MATN3: variants seen among roughly 807,000 people sequenced by gnomAD.
The protein encoded by MATN3 is matrilin 3.
A neutral mutation model predicts 45.3 loss-of-function variants in MATN3; 48 were observed. The observed-to-expected ratio is 1.06, with a 90% CI of 0.84 to 1.35. MATN3 has a LOEUF of 1.35. Among genes scored for constraint, MATN3 ranks in the 40% most tolerant of loss-of-function variants. The probability of loss-of-function intolerance (pLI) is 0.00; values close to 1 mark genes in which losing one functional copy is unlikely to be tolerated. For synonymous variants in MATN3, 217 were observed against 245.9 expected (o/e 0.88, Z 1.10); for missense variants, 599 against 628.0 (o/e 0.95, Z 0.49).
chr2:20,009,748 C>G (rs910139580), intron 1 of MATN3, among the ~76,000 whole-genome samples: 5 of 152,254 alleles, frequency 3.3e-5, no homozygotes, highest in Admixed American at 6.5e-5. Context: ...TCTTTACAGT[C>G]TTTTATCTTA....
chr2:19,996,597 C>G (rs1254886382), intron 6 of MATN3, among the ~76,000 whole-genome samples: 2 of 152,168 alleles, frequency 1.3e-5, no homozygotes, highest in African/African-American at 2.4e-5. Context: ...AAAGAGCCCA[C>G]TGTGGCTGGA....
rs1672819074 is a variant in MATN3 at position 19,994,322 on chromosome 2, T to C, written c.1382A>G (p.Tyr461Cys). ...TLAFQDKVSS[Y>C]LQRLNTKLDD... ...ATGTTTAGTGTTCAGTCTTTGAAGA[T>C]ACGAGCTGACCTTGTCCTGGAATGC... The change falls in exon 7 of 8, where the codon TAT (tyrosine) becomes TGT (cysteine). Residue 461 changes from tyrosine (Y) to cysteine (C), a missense_variant. Coordinates refer to ENST00000407540, the MANE Select transcript of MATN3 (RefSeq NM_002381.5). 1 of 1,613,046 alleles carries C rather than the reference T, an allele frequency of 6.2e-7. No homozygotes were observed. The highest frequency in any genetic ancestry group is 8.5e-7 in the Non-Finnish European group (1 of 1,179,310).
chr2:20,000,542 G>A lies in MATN3; in HGVS notation c.1067C>T (p.Thr356Ile). The A allele has an allele frequency of 6.2e-7, 1 of 1,610,136 alleles. No individual in the cohort carries two copies. Among genetic ancestry groups the A allele is most frequent in the South Asian group, 1.1e-5 (1 of 89,948 alleles). Residue 356 changes from threonine to isoleucine, a missense_variant, in exon 5 of 8, where the codon ACC (threonine) becomes ATC (isoleucine). By Grantham distance (89) the Thr-to-Ile change is moderately conservative (BLOSUM62 -1). Coordinates refer to ENST00000407540, the MANE Select transcript of MATN3 (RefSeq NM_002381.5). ...CSAQDKCALGTHGCQHICVND... is the reference protein window; with the variant it reads ...CSAQDKCALGIHGCQHICVND... ...CACACAAATGTGCTGACACCCATGGGTACCCAAAGCACATTTATCTTGAGC... is the reference window on the plus strand; with the variant it reads ...CACACAAATGTGCTGACACCCATGGATACCCAAAGCACATTTATCTTGAGC...
At chr2:20,002,441 G>A (rs1340967666) in intron 3 of MATN3, among the ~76,000 whole-genome samples, 1 of 152,056 alleles carries the variant, frequency 6.6e-6, no homozygotes, top group Non-Finnish European at 1.5e-5. Context: ...CTATGTACCA[G>A]ACCAGTGAGT....
chr2:20,009,411 T>G lies in MATN3; in HGVS notation c.223+2998A>C, dbSNP rs1161600569. Among the ~76,000 whole-genome samples the G allele has an allele frequency of 2.6e-5, 4 of 151,902 alleles. No individual in the cohort carries two copies. In the East Asian group the frequency reaches 7.7e-4, roughly 29 times the overall value. On this transcript the variant is annotated intron_variant, in intron 1 of 7. Coordinates refer to ENST00000407540, the MANE Select transcript of MATN3 (RefSeq NM_002381.5). Reference sequence around the variant, plus strand: ...ACCAGACACCACATGTTCTCACTCATAAGTGGGAGTTGAACAATGAGAACT... The same window carrying G: ...ACCAGACACCACATGTTCTCACTCAGAAGTGGGAGTTGAACAATGAGAACT...
At chr2:20,001,270 A>G (rs755412056) in intron 4 of MATN3, among the ~76,000 whole-genome samples, 1 of 152,208 alleles carries the variant, frequency 6.6e-6, no homozygotes, top group Non-Finnish European at 1.5e-5. Context: ...CTTTATTCAA[A>G]TGTTGCCATT....
At chr2:20,011,849 T>C (rs995138013) in intron 1 of MATN3, among the ~76,000 whole-genome samples, 50 of 152,190 alleles carry the variant, frequency 3.3e-4, no homozygotes, top group African/African-American at 1.2e-3. Context: ...CAGGAATCAA[T>C]TGCTGACCAA....
At chr2:20,007,030 A>C (rs1673120717) in intron 1 of MATN3, among the ~76,000 whole-genome samples, 1 of 152,040 alleles carries the variant, frequency 6.6e-6, no homozygotes, top group Admixed American at 6.5e-5. Context: ...ATCACGGTGA[A>C]ACCCCGTCTC....
chr2:19,999,626 T>TAAAAAAAAAAAAAAAAAAAA (rs56100312), intron 5 of MATN3, among the ~76,000 whole-genome samples: 1 of 120,194 alleles, frequency 8.3e-6, no homozygotes, highest in Non-Finnish European at 1.7e-5. Flanking sequence ...GGTTTCCCTT[T>TAAAAAAAAAAAAAAAAAAAA]AAAAAAAAAA....
chr2:20,010,066 CTAAAAA>C (rs1259426970), intron 1 of MATN3, among the ~76,000 whole-genome samples: 5 of 5,564 alleles, frequency 9.0e-4, no homozygotes, highest in African/African-American at 2.3e-3. Flanking sequence ...TCTTCAAATA[CTAAAAA>C]AAAAAAAAAA....
At position 19,997,399 on chromosome 2, in the gene MATN3, G is replaced by C. The variant is rs1187232584; in HGVS notation, c.1169-140C>G. 3.9e-6 allele frequency: 3 copies of C among 777,060 alleles called. No homozygotes were observed. In the African/African-American group the frequency reaches 5.3e-5, roughly 14 times the overall value. The allele number at this position is 777,060 out of a possible 1,614,324, so 48.1% of individuals were successfully genotyped here. A position where few individuals can be genotyped will look rare whatever the true frequency, so the allele number is the denominator to read the frequency against. On this transcript the variant is annotated intron_variant, in intron 5 of 7. Transcript: ENST00000407540. ...GTCAGTAGTCAGCAACAGGCCCCATGCTGCAGGAGCAAGCCTGTTTTCTCT... is the reference window on the plus strand; with the variant it reads ...GTCAGTAGTCAGCAACAGGCCCCATCCTGCAGGAGCAAGCCTGTTTTCTCT...
Position 20,002,080 on chromosome 2 carries a change from G to C in MATN3, c.917C>G (p.Ala306Gly), listed in dbSNP as rs745686503. ...TLNADKKTCS[A>G]LDRCALNTHG... ...GGTGTTAAGAGCACACCTATCAAGA[G>C]CTATCAAAAGATGATTGGGACAAAT... Residue 306 changes from alanine to glycine, a missense_variant and splice_region_variant, in exon 4 of 8, where the codon GCT becomes GGT. By Grantham distance (60) the Ala-to-Gly change is moderately conservative (BLOSUM62 0). Coordinates refer to ENST00000407540, the MANE Select transcript of MATN3 (RefSeq NM_002381.5). 1 of 1,611,486 alleles carries C rather than the reference G, an allele frequency of 6.2e-7. No individual in the cohort carries two copies. The highest frequency in any genetic ancestry group is 1.1e-5 in the South Asian group (1 of 90,594).
chr2:20,003,227 C>T lies in MATN3; in HGVS notation c.850G>A (p.Glu284Lys). The T allele has an allele frequency of 6.2e-7, 1 of 1,613,998 alleles. No homozygotes were observed. Among genetic ancestry groups the T allele is most frequent in the Non-Finnish European group, 8.5e-7 (1 of 1,179,878 alleles). ...CTACACTCACAGTGGTGCTTGCCTT[C>T]CCCATCACTGATGCAGACGTGCTGG... is the stretch of plus-strand genomic sequence containing the variant. ...QCQHVCISDG[E>K]GKHHCECSQG... Residue 284 changes from glutamate (E) to lysine (K), a missense_variant, in exon 3 of 8, where the codon GAA becomes AAA. Transcript: ENST00000407540.
At chr2:19,993,635 G>A (rs1189435741) in intron 7 of MATN3, among the ~76,000 whole-genome samples, 2 of 152,180 alleles carry the variant, frequency 1.3e-5, no homozygotes, top group African/African-American at 4.8e-5. Context: ...CTGATTCCAA[G>A]TAGTGTCTTA....
At chr2:20,004,234 A>G (rs1673049387) in intron 2 of MATN3, 1 of 152,200 alleles carries the variant, frequency 6.6e-6, no homozygotes, top group Non-Finnish European at 1.5e-5. Flanking sequence ...TTTTTTCCAT[A>G]GAGAGGACGT....
chr2:20,000,328 G>A, intron 5 of MATN3, 113 bp downstream of exon 5: 1 of 907,368 alleles, frequency 1.1e-6, no homozygotes, highest in Non-Finnish European at 1.6e-6. Context: ...AAGTGTGATA[G>A]AATGTCTGAA....
chr2:20,008,889 A>G (rs774163922), intron 1 of MATN3, among the ~76,000 whole-genome samples: 5 of 152,112 alleles, frequency 3.3e-5, no homozygotes, highest in African/African-American at 4.8e-5. Context: ...ACTTTAAGTC[A>G]CCGCCCTGAA....
chr2:20,002,114 A>G, intron 3 of MATN3, 34 bp from the exon 4 acceptor site: 1 of 1,593,124 alleles, frequency 6.3e-7, no homozygotes, highest in Non-Finnish European at 8.6e-7. Context: ...ATGTAAATGC[A>G]TGCAGAGCAT....
At position 20,000,518 on chromosome 2, in the gene MATN3, A is replaced by T; in HGVS notation, c.1091T>A (p.Val364Glu). 1.9e-6 allele frequency: 3 copies of T among 1,612,576 alleles called. No individual in the cohort carries two copies. In the South Asian group the frequency reaches 3.3e-5, roughly 18 times the overall value. ...LGTHGCQHIC[V>E]NDRTGSHHCE... Reference sequence around the variant, plus strand: ...ATGATGGGACCCTGTTCTGTCATTCACACAAATGTGCTGACACCCATGGGT... The same window carrying T: ...ATGATGGGACCCTGTTCTGTCATTCTCACAAATGTGCTGACACCCATGGGT... The change falls in exon 5 of 8, where the codon GTG becomes GAG. Residue 364 changes from valine to glutamate, a missense_variant. Coordinates refer to ENST00000407540, the MANE Select transcript of MATN3 (RefSeq NM_002381.5).
Sources: gnomAD v4.1 joint callset for allele counts (sites outside exome capture counted in the v4.1 genomes callset) on GRCh38, gnomAD v4.1.1 for gene constraint, MANE v1.5 for transcripts, NCBI Gene and HGNC (gene_info 2026-07-23, HGNC 2026-07-21) for gene names.